Variants in TMEM232 observed in about 807,000 individuals in gnomAD.
TMEM232 encodes transmembrane protein 232.
In TMEM232, 80 loss-of-function variants were observed where a neutral mutation model predicts 78.8. The observed-to-expected ratio is 1.01, with a 90% CI of 0.85 to 1.22. The LOEUF (loss-of-function observed/expected upper bound fraction) is 1.22, where lower values mean the gene tolerates loss of function less well. TMEM232 is among the 50% of genes most tolerant of loss of function. The probability of loss-of-function intolerance (pLI) is 0.00; values close to 1 mark genes in which losing one functional copy is unlikely to be tolerated. For synonymous variants in TMEM232, 297 were observed against 254.3 expected (o/e 1.17, Z -1.60); for missense variants, 881 against 742.2 (o/e 1.19, Z -2.17).
intron 8 of TMEM232, among the ~76,000 whole-genome samples, chr5:110,615,805 G>A (rs1782851869): frequency 6.6e-6 from 1 of 151,824 alleles, no homozygotes; most frequent in South Asian, 2.1e-4. Flanking sequence ...GAAATTTTCA[G>A]GTGATAAAAT....
intron 12 of TMEM232, among the ~76,000 whole-genome samples, chr5:110,503,447 A>T (rs1766497137): frequency 2.0e-5 from 3 of 152,194 alleles, no homozygotes; most frequent in African/African-American, 7.2e-5. Context: ...TAAATTTGAA[A>T]TATTTATAAA....
At chr5:110,522,656 C>T (rs1769719721) in intron 12 of TMEM232, among the ~76,000 whole-genome samples, 1 of 151,944 alleles carries the variant, frequency 6.6e-6, no homozygotes, top group Admixed American at 6.6e-5. Flanking sequence ...CTTTTCAGCA[C>T]CTGTTGAGAT....
At chr5:110,535,020 A>T (rs1581123024) in intron 11 of TMEM232, among the ~76,000 whole-genome samples, 1 of 152,028 alleles carries the variant, frequency 6.6e-6, no homozygotes, top group Non-Finnish European at 1.5e-5. Context: ...CCTGAGAAAC[A>T]TCACCCATTA....
At chr5:110,490,119 C>CAAAAAG (rs1238341814) in intron 12 of TMEM232, among the ~76,000 whole-genome samples, 32 of 75,656 alleles carry the variant, frequency 4.2e-4, no homozygotes, top group Middle Eastern at 9.6e-3. Context: ...AACTCCGTTT[C>CAAAAAG]AAAAAGAAAG....
intron 10 of TMEM232, among the ~76,000 whole-genome samples, chr5:110,589,522 T>C (rs546955364): frequency 4.7e-4 from 71 of 152,288 alleles, no homozygotes; most frequent in African/African-American, 1.7e-3. Context: ...TCTAGTTAGT[T>C]CAGTATAGGG....
intron 1 of TMEM232, among the ~76,000 whole-genome samples, chr5:110,735,588 C>A (rs942710143): frequency 3.9e-5 from 6 of 152,038 alleles, no homozygotes; most frequent in African/African-American, 1.4e-4. Context: ...TGATAATCCT[C>A]CCTTTAAAAG....
intron 1 of TMEM232, chr5:110,725,454 A>T (rs539932982): frequency 6.6e-6 from 1 of 152,344 alleles, no homozygotes; most frequent in South Asian, 2.1e-4. Flanking sequence ...GAACTTCAAG[A>T]CAGGAACATT....
chr5:110,429,643 T>A (rs1197204802), intron 12 of TMEM232, among the ~76,000 whole-genome samples: 1 of 151,764 alleles, frequency 6.6e-6, no homozygotes, highest in Non-Finnish European at 1.5e-5. Flanking sequence ...ACCATTGGAA[T>A]TATCCAATGA....
chr5:110,445,053 T>C (rs1386380378), intron 12 of TMEM232, among the ~76,000 whole-genome samples: 1 of 152,014 alleles, frequency 6.6e-6, no homozygotes, highest in Non-Finnish European at 1.5e-5. Context: ...TTCTTTTCTA[T>C]AGCCCTCATT....
chr5:110,625,922 A>G (rs917447879), intron 6 of TMEM232, among the ~76,000 whole-genome samples: 12 of 144,940 alleles, frequency 8.3e-5, no homozygotes, highest in African/African-American at 3.1e-4. Flanking sequence ...ATAATTTAAC[A>G]TAACACCACA....
At chr5:110,680,030 T>C (rs903299891) in intron 1 of TMEM232, among the ~76,000 whole-genome samples, 2 of 152,184 alleles carry the variant, frequency 1.3e-5, no homozygotes, top group Admixed American at 1.3e-4. Context: ...TCCAGACCTA[T>C]TACATTTAGT....
intron 12 of TMEM232, among the ~76,000 whole-genome samples, chr5:110,527,977 T>C (rs1290151954): frequency 1.3e-5 from 2 of 151,986 alleles, no homozygotes; most frequent in African/African-American, 4.8e-5. Context: ...TTAAAATCTG[T>C]CTAAAAGTGA....
intron 2 of TMEM232, among the ~76,000 whole-genome samples, chr5:110,409,700 C>CT (rs1040977349): frequency 9.3e-4 from 139 of 148,840 alleles, no homozygotes; most frequent in African/African-American, 3.1e-3. Context: ...GCTACATATT[C>CT]TTTTTTTTTT....
At chr5:110,574,947 T>G (rs576831577) in intron 10 of TMEM232, among the ~76,000 whole-genome samples, 2 of 151,948 alleles carry the variant, frequency 1.3e-5, no homozygotes, top group African/African-American at 2.4e-5. Flanking sequence ...AGACTTGTAG[T>G]TGGTGTTAGA....
chr5:110,682,472 T>G lies in TMEM232; in HGVS notation c.-12-15108A>C, dbSNP rs185869723. ...TCTAATGTTCTTGGCTTATAAAGCA[T>G]CCCACTGTGGAAGATGGTCTAAAGT... is the stretch of plus-strand genomic sequence containing the variant. On this transcript the variant is annotated intron_variant, in intron 1 of 13. Coordinates refer to ENST00000455884, the MANE Select transcript of TMEM232 (RefSeq NM_001039763.4). Among the ~76,000 whole-genome samples the G allele has an allele frequency of 4.6e-3, 696 of 152,212 alleles. 1 individual carries two copies. The highest frequency in any genetic ancestry group is 8.1e-3 in the Non-Finnish European group (552 of 68,014).
At chr5:110,713,531 A>G (rs1275451351) in intron 1 of TMEM232, among the ~76,000 whole-genome samples, 1 of 152,104 alleles carries the variant, frequency 6.6e-6, no homozygotes, top group Non-Finnish European at 1.5e-5. Flanking sequence ...ATATACACCT[A>G]CTATGCACCC....
At chr5:110,687,104 T>A (rs1421793850) in intron 1 of TMEM232, among the ~76,000 whole-genome samples, 1 of 152,168 alleles carries the variant, frequency 6.6e-6, no homozygotes, top group Non-Finnish European at 1.5e-5. Context: ...CCATTCTCCT[T>A]CTGACCTTTC....
At chr5:110,672,052 A>G (rs1041094401) in intron 1 of TMEM232, among the ~76,000 whole-genome samples, 3 of 152,164 alleles carry the variant, frequency 2.0e-5, no homozygotes, top group African/African-American at 7.2e-5. Flanking sequence ...GAAAAAAAGT[A>G]ATTGAAGGGA....
rs1320398422 is a variant in TMEM232 at position 110,690,501 on chromosome 5, T to C, written c.-12-23137A>G. Among the ~76,000 whole-genome samples, 4 of 152,114 alleles carry C rather than the reference T, an allele frequency of 2.6e-5. 1 individual carries two copies. Among genetic ancestry groups the C allele is most frequent in the African/African-American group, 9.7e-5 (4 of 41,430 alleles). Reference sequence around the variant, plus strand: ...GGATGCTATAGAGGATGTGGAGAAATAGGAACGCTTTTACACTGTTAGTGG... The same window carrying C: ...GGATGCTATAGAGGATGTGGAGAAACAGGAACGCTTTTACACTGTTAGTGG... On this transcript the variant is annotated intron_variant, in intron 1 of 13. Transcript: ENST00000455884.
Sources: gnomAD v4.1 joint callset for allele counts (sites outside exome capture counted in the v4.1 genomes callset) on GRCh38, gnomAD v4.1.1 for gene constraint, MANE v1.5 for transcripts, NCBI Gene and HGNC (gene_info 2026-07-23, HGNC 2026-07-21) for gene names.